ADAMTSL3: variants seen among roughly 807,000 people sequenced by gnomAD.
ADAMTSL3 encodes ADAMTS-like protein 3.
In ADAMTSL3, 128 loss-of-function variants were observed where a neutral mutation model predicts 201.7. The ratio of observed to expected loss-of-function variants is 0.63; its 90% CI spans 0.55 to 0.73. The LOEUF is 0.73. Among genes scored for constraint, ADAMTSL3 ranks in the 30% least tolerant of loss-of-function variants. ADAMTSL3 has a pLI of 0.00. For synonymous variants in ADAMTSL3, 738 were observed against 748.4 expected (o/e 0.99, Z 0.23); for missense variants, 1,990 against 2,119.6 (o/e 0.94, Z 1.20).
intron 3 of ADAMTSL3, among the ~76,000 whole-genome samples, chr15:83,736,934 C>T (rs895589059): frequency 6.6e-6 from 1 of 152,090 alleles, no homozygotes; most frequent in Non-Finnish European, 1.5e-5. Flanking sequence ...AGACACAATA[C>T]CCACCCTGGA....
At chr15:83,774,825 T>A (rs1182267602) in intron 4 of ADAMTSL3, among the ~76,000 whole-genome samples, 1 of 151,392 alleles carries the variant, frequency 6.6e-6, no homozygotes, top group East Asian at 1.9e-4. Context: ...ATAGGAGAGC[T>A]ACACCCTGTG....
At position 83,773,661 on chromosome 15, in the gene ADAMTSL3, G is replaced by A. The variant is rs1185142878; in HGVS notation, c.317+11G>A. 6.2e-7 allele frequency: 1 copy of A among 1,603,930 alleles called. No individual in the cohort carries two copies. Among genetic ancestry groups the A allele is most frequent in the African/African-American group, 1.3e-5 (1 of 74,448 alleles). On this transcript the variant is annotated intron_variant, in intron 4 of 29. Coordinates refer to ENST00000286744, the MANE Select transcript of ADAMTSL3 (RefSeq NM_207517.3). ...ATGTTTGACTGGAAGGTTAGTGGTG[G>A]CTTCACTTGCTCCTGCATGTGGAAT... is the stretch of plus-strand genomic sequence containing the variant.
intron 16 of ADAMTSL3, among the ~76,000 whole-genome samples, chr15:83,915,352 C>A (rs1197370702): frequency 6.6e-6 from 1 of 152,130 alleles, no homozygotes; most frequent in East Asian, 1.9e-4. Context: ...CAGGTGAATT[C>A]TAATTCAGCT....
At chr15:83,809,936 GT>G (rs1160773999) in intron 5 of ADAMTSL3, among the ~76,000 whole-genome samples, 3 of 152,084 alleles carry the variant, frequency 2.0e-5, no homozygotes, top group Non-Finnish European at 4.4e-5. Flanking sequence ...TGTGGATCAA[GT>G]TTTTTCTTGG....
At chr15:83,834,945 T>C (rs558748569) in intron 6 of ADAMTSL3, among the ~76,000 whole-genome samples, 16 of 152,232 alleles carry the variant, frequency 1.1e-4, no homozygotes, top group Admixed American at 1.0e-3. Context: ...AGAAGTTGCT[T>C]ATTGTTGGGC....
intron 3 of ADAMTSL3, among the ~76,000 whole-genome samples, chr15:83,716,843 A>C (rs2062026772): frequency 6.6e-6 from 1 of 152,248 alleles, no homozygotes; most frequent in South Asian, 2.1e-4. Flanking sequence ...ATTTGGATGA[A>C]TCCTTCTCTT....
intron 3 of ADAMTSL3, among the ~76,000 whole-genome samples, chr15:83,755,591 ATTTCATTCT>A (rs2062706949): frequency 6.6e-6 from 1 of 152,130 alleles, no homozygotes; most frequent in African/African-American, 2.4e-5. Flanking sequence ...CTGTGCCCGA[ATTTCATTCT>A]TTTCTGAAGC....
At chr15:83,864,083 T>G (rs942064147) in intron 8 of ADAMTSL3, among the ~76,000 whole-genome samples, 3 of 152,198 alleles carry the variant, frequency 2.0e-5, no homozygotes, top group South Asian at 2.1e-4. Context: ...AATCTCTGAA[T>G]AGACCAATAA....
chr15:83,659,474 G>A (rs1000243750), intron 2 of ADAMTSL3, among the ~76,000 whole-genome samples: 1 of 152,158 alleles, frequency 6.6e-6, no homozygotes, highest in Admixed American at 6.5e-5. Flanking sequence ...ATCTTACAGA[G>A]GGCTTTGAGG....
intron 13 of ADAMTSL3, among the ~76,000 whole-genome samples, chr15:83,894,100 C>T (rs1040100822): frequency 2.6e-5 from 4 of 152,148 alleles, no homozygotes; most frequent in African/African-American, 4.8e-5. Context: ...TGAGTAGTGT[C>T]ATGTGCCCAG....
In ADAMTSL3 at chr15:83,862,386, A is replaced by T. The variant is rs372629555; in HGVS notation, c.802+3546A>T. The T allele has an allele frequency of 1.8e-4, 28 of 152,374 alleles. No homozygotes were observed. In the East Asian group the frequency reaches 4.6e-3, roughly 25 times the overall value. The allele number at this position is 152,374 out of a possible 1,614,324, so 9.4% of individuals were successfully genotyped here. A position where few individuals can be genotyped will look rare whatever the true frequency, so the allele number is the denominator to read the frequency against. ...GCCAGAGAGAAAGGTCGGGTTACCC[A>T]CAAAGGGAAGCCCATCAGGCTAACA... On this transcript the variant is annotated intron_variant, in intron 8 of 29. Transcript: ENST00000286744.
chr15:83,921,444 G>C (rs745383763), intron 16 of ADAMTSL3, among the ~76,000 whole-genome samples: 12 of 152,144 alleles, frequency 7.9e-5, no homozygotes, highest in Non-Finnish European at 1.3e-4. Context: ...ATTAAATACT[G>C]ATTGGCACAT....
intron 20 of ADAMTSL3, among the ~76,000 whole-genome samples, chr15:83,971,768 C>G (rs181821737): frequency 6.7e-6 from 1 of 150,374 alleles, no homozygotes; most frequent in Non-Finnish European, 1.5e-5. Context: ...TAATTACTCA[C>G]CTGTGAAATA....
chr15:83,887,553 T>C (rs1049227649), intron 10 of ADAMTSL3, among the ~76,000 whole-genome samples: 1 of 152,242 alleles, frequency 6.6e-6, no homozygotes, highest in Non-Finnish European at 1.5e-5. Context: ...CTTTACATCT[T>C]TGAGTCACTT....
chr15:83,957,869 A>G (rs1281535547), intron 19 of ADAMTSL3, among the ~76,000 whole-genome samples: 1 of 152,200 alleles, frequency 6.6e-6, no homozygotes, highest in African/African-American at 2.4e-5. Flanking sequence ...CTACCATGAT[A>G]TCTAAAAGTA....
chr15:83,997,543 T>G (rs2067710477), intron 23 of ADAMTSL3, among the ~76,000 whole-genome samples: 1 of 152,148 alleles, frequency 6.6e-6, no homozygotes, highest in Non-Finnish European at 1.5e-5. Context: ...GAGCTGAGAT[T>G]GTGCCATTGC....
chr15:83,994,586 G>GTTTTTTTTTT (rs3045402), intron 23 of ADAMTSL3, among the ~76,000 whole-genome samples: 2 of 50,232 alleles, frequency 4.0e-5, no homozygotes, highest in Non-Finnish European at 7.2e-5. Flanking sequence ...TTGTTTTTTC[G>GTTTTTTTTTT]TTTTTTTTTT....
chr15:83,846,438 G>A (rs573857358), intron 7 of ADAMTSL3, among the ~76,000 whole-genome samples: 1 of 152,292 alleles, frequency 6.6e-6, no homozygotes, highest in South Asian at 2.1e-4. Context: ...CAAGGACGGC[G>A]AGATGAGCAT....
chr15:83,912,100 G>A (rs1293097926), intron 15 of ADAMTSL3, among the ~76,000 whole-genome samples: 2 of 152,124 alleles, frequency 1.3e-5, no homozygotes, highest in South Asian at 2.1e-4. Context: ...AAGATACAAA[G>A]TGTTTTTTCA....
Sources: gnomAD v4.1 joint callset for allele counts (sites outside exome capture counted in the v4.1 genomes callset) on GRCh38, gnomAD v4.1.1 for gene constraint, MANE v1.5 for transcripts, NCBI Gene and HGNC (gene_info 2026-07-23, HGNC 2026-07-21) for gene names.